Variants in INPP5A observed in about 807,000 individuals in gnomAD.
INPP5A encodes the protein inositol polyphosphate-5-phosphatase A.
INPP5A carries 14 observed loss-of-function variants against 65.2 expected under a neutral mutation model. The observed-to-expected ratio is 0.21, with a 90% CI of 0.14 to 0.34. INPP5A has a LOEUF of 0.34. Among genes scored for constraint, INPP5A ranks in the 10% least tolerant of loss-of-function variants. The pLI, the probability that INPP5A is intolerant of heterozygous loss-of-function variation, is 1.00. For missense variants in INPP5A, 431 were observed against 545.6 expected (o/e 0.79, Z 2.09); for synonymous variants, 207 against 208.3 (o/e 0.99, Z 0.05).
intron 4 of INPP5A, among the ~76,000 whole-genome samples, chr10:132,665,296 C>T (rs550378490): frequency 8.5e-5 from 13 of 152,354 alleles, no homozygotes; most frequent in African/African-American, 2.6e-4. Flanking sequence ...AGGAAAGCCC[C>T]CTCTTAGATT....
chr10:132,703,080 C>G (rs1454076704), intron 6 of INPP5A, among the ~76,000 whole-genome samples: 2 of 152,124 alleles, frequency 1.3e-5, no homozygotes, highest in African/African-American at 2.4e-5. Context: ...TCGGACTCAC[C>G]GTTTCTCCCA....
At position 132,676,930 on chromosome 10, in the gene INPP5A, C is replaced by T. The variant is rs2072972341; in HGVS notation, c.307-13462C>T. ...TCCACATGGTGACCCCCACCGTCACCCAGGCATCTGTCCTCAACTGCAGAC... is the reference window on the plus strand; with the variant it reads ...TCCACATGGTGACCCCCACCGTCACTCAGGCATCTGTCCTCAACTGCAGAC... On this transcript the variant is annotated intron_variant, in intron 4 of 15. Coordinates refer to ENST00000368594, the MANE Select transcript of INPP5A (RefSeq NM_005539.5). The surrounding 1 kb of genome is among the most constrained non-coding windows in gnomAD (Gnocchi z 4.0). Among the ~76,000 whole-genome samples, 1 of 152,176 alleles carries T rather than the reference C, an allele frequency of 6.6e-6. No homozygotes were observed. The highest frequency in any genetic ancestry group is 2.4e-5 in the African/African-American group (1 of 41,418).
At chr10:132,639,333 C>T (rs1407831210) in intron 2 of INPP5A, among the ~76,000 whole-genome samples, 1 of 148,598 alleles carries the variant, frequency 6.7e-6, no homozygotes, top group African/African-American at 2.5e-5. Context: ...TCCTTAAGCA[C>T]TTTAAAGGCC....
rs1329958684 is a variant in INPP5A, at chr10:132,762,406, G to A, written c.904-3367G>A. On this transcript the variant is annotated intron_variant, in intron 11 of 15. Transcript: ENST00000368594. This position sits in a 1 kb window ranked among gnomAD's most constrained non-coding sequence, Gnocchi z 4.6. Reference sequence around the variant, plus strand: ...GAATGCAAGTGGCGGCGGGTTTCCAGAACAACCACAAAAATACACACCAGG... The same window carrying A: ...GAATGCAAGTGGCGGCGGGTTTCCAAAACAACCACAAAAATACACACCAGG... 6.6e-6 allele frequency among the ~76,000 whole-genome samples: 1 copy of A among 152,210 alleles called. No individual in the cohort carries two copies. The highest frequency in any genetic ancestry group is 2.4e-5 in the African/African-American group (1 of 41,448).
At chr10:132,605,470 T>A (rs1246071599) in intron 1 of INPP5A, among the ~76,000 whole-genome samples, 1 of 8,244 alleles carries the variant, frequency 1.2e-4, no homozygotes, top group Non-Finnish European at 2.4e-4. Context: ...GTGGATCCCT[T>A]GGAGGGATGG....
intron 2 of INPP5A, among the ~76,000 whole-genome samples, chr10:132,626,209 T>A (rs1000672550): frequency 2.6e-5 from 4 of 152,224 alleles, no homozygotes; most frequent in African/African-American, 9.6e-5. Flanking sequence ...TGGTCCTGGA[T>A]CCTGCTGTGT....
At chr10:132,775,189 G>GGCAGGGAGGAGA (rs1847040763) in intron 12 of INPP5A, among the ~76,000 whole-genome samples, 1 of 466 alleles carries the variant, frequency 2.1e-3, no homozygotes, top group African/African-American at 9.8e-3. Flanking sequence ...AGGGAGAGAG[G>GGCAGGGAGGAGA]GAGGGGCAGG....
rs532541277 is a variant in INPP5A at position 132,675,042 on chromosome 10, C to T, written c.307-15350C>T. On this transcript the variant is annotated intron_variant, in intron 4 of 15. Coordinates refer to ENST00000368594, the MANE Select transcript of INPP5A (RefSeq NM_005539.5). This position sits in a 1 kb window ranked among gnomAD's most constrained non-coding sequence, Gnocchi z 4.2. ...GCCTGGACCTGTTGCAGAGCCTACT[C>T]CTCTTCTGGACCCCCTCAGTCCTCC... is the stretch of plus-strand genomic sequence containing the variant. Among the ~76,000 whole-genome samples the T allele has an allele frequency of 3.9e-5, 6 of 152,328 alleles. No homozygotes were observed. The South Asian group carries it at 8.3e-4, about 21-fold the overall frequency.
At chr10:132,619,367 G>C (rs1216520282) in intron 2 of INPP5A, among the ~76,000 whole-genome samples, 2 of 152,184 alleles carry the variant, frequency 1.3e-5, no homozygotes, top group African/African-American at 2.4e-5. Context: ...GGGCACACAG[G>C]CTCAAGGGGT....
At chr10:132,755,334 CTG>C (rs911811340) in intron 11 of INPP5A, among the ~76,000 whole-genome samples, 30 of 138,230 alleles carry the variant, frequency 2.2e-4, no homozygotes, top group Middle Eastern at 5.7e-3. Context: ...AGTGTGTGAG[CTG>C]TGTGAGCGTG....
Position 132,537,864 on chromosome 10 carries a change from A to C in INPP5A, c.-233A>C. The C allele has an allele frequency of 3.1e-6, 1 of 317,678 alleles. No homozygotes were observed. Among genetic ancestry groups the C allele is most frequent in the Non-Finnish European group, 5.7e-6 (1 of 175,536 alleles). The allele number at this position is 317,678 out of a possible 1,614,324, so 19.7% of individuals were successfully genotyped here. ...TAATGGCTGCGCGCGGGCCGCTGTG[A>C]GGCGCGGCGGCGAGCGACGGGCGCG... is the stretch of plus-strand genomic sequence containing the variant. On this transcript the variant is annotated 5_prime_UTR_variant, in exon 1 of 16. An upstream open reading frame in the 5' UTR loses its in-frame stop. Coordinates refer to ENST00000368594, the MANE Select transcript of INPP5A (RefSeq NM_005539.5).
chr10:132,605,778 G>A (rs930387102), intron 1 of INPP5A, among the ~76,000 whole-genome samples: 1 of 152,276 alleles, frequency 6.6e-6, no homozygotes, highest in African/African-American at 2.4e-5. Flanking sequence ...TGAGGGCCTT[G>A]TCTTTTTTTC....
intron 1 of INPP5A, among the ~76,000 whole-genome samples, chr10:132,593,908 AT>A (rs2071650375): frequency 6.6e-6 from 1 of 152,232 alleles, no homozygotes; most frequent in Non-Finnish European, 1.5e-5. Context: ...GCCAGGAACT[AT>A]AAAGATAATC....
chr10:132,774,618 T>G (rs913904316), intron 12 of INPP5A, among the ~76,000 whole-genome samples: 5 of 152,086 alleles, frequency 3.3e-5, no homozygotes, highest in African/African-American at 1.2e-4. Context: ...CCCCAAGACC[T>G]CGACATAGCC....
In INPP5A at chr10:132,708,363, C is replaced by T. The variant is rs368149106; in HGVS notation, c.525C>T (p.Asp175=). The T allele has an allele frequency of 1.6e-4, 254 of 1,613,672 alleles. No individual in the cohort carries two copies. The highest frequency in any genetic ancestry group is 2.0e-4 in the Non-Finnish European group (238 of 1,179,662). ...GFIRTRWCIA[D]CAFDLVNIHL... is the part of the protein sequence containing the mutation. ...TCCGGACGAGGTGGTGCATTGCAGA[C>T]TGGTACGTGGTGTCTGTGCTTTGTC... Residue 175 remains aspartate, a splice_region_variant and synonymous_variant, in exon 7 of 16, where the codon GAC becomes GAT. Transcript: ENST00000368594.
rs578083274 is a variant in INPP5A, at chr10:132,691,670, C to T, written c.370+1215C>T. ...CACACTTCACTCTAGCAAAACTTTC[C>T]CCAGAGCCCTCCATGTGGCCAAACT... On this transcript the variant is annotated intron_variant, in intron 5 of 15. Coordinates refer to ENST00000368594, the MANE Select transcript of INPP5A (RefSeq NM_005539.5). 7.9e-5 allele frequency among the ~76,000 whole-genome samples: 12 copies of T among 152,348 alleles called. No homozygotes were observed. In the East Asian group the frequency reaches 2.3e-3, roughly 29 times the overall value.
rs575291107 is a variant in INPP5A, at chr10:132,705,203, C to T, written c.475-3110C>T. Among the ~76,000 whole-genome samples, 3 of 152,318 alleles carry T rather than the reference C, an allele frequency of 2.0e-5. No homozygotes were observed. In the East Asian group the frequency reaches 5.8e-4, roughly 29 times the overall value. On this transcript the variant is annotated intron_variant, in intron 6 of 15. Coordinates refer to ENST00000368594, the MANE Select transcript of INPP5A (RefSeq NM_005539.5). The surrounding 1 kb of genome is among the most constrained non-coding windows in gnomAD (Gnocchi z 4.9). ...GTGTTTCCATTGCAGACACAGTTAC[C>T]GACAGGAAATGAACACAGAGGCTCC...
Position 132,697,858 on chromosome 10 carries a change from A to G in INPP5A, c.413A>G (p.Asp138Gly), listed in dbSNP as rs1049684899. ...RKVAGKEIYS[D>G]TLESTPMLEK... ...GTCGCTGGCAAAGAGATCTACTCGG[A>G]TACCTTAGAGAGCACGCCCATGCTG... Residue 138 changes from aspartate to glycine, a missense_variant, in exon 6 of 16, where the codon GAT becomes GGT. Asp to Gly is a moderately conservative substitution (Grantham distance 94). Transcript: ENST00000368594. The surrounding 1 kb of genome is among the most constrained non-coding windows in gnomAD (Gnocchi z 5.6). 1.9e-6 allele frequency: 3 copies of G among 1,614,046 alleles called. No homozygotes were observed. The highest frequency in any genetic ancestry group is 2.5e-6 in the Non-Finnish European group (3 of 1,179,918).
chr10:132,713,239 C>T (rs1348659901), intron 8 of INPP5A, among the ~76,000 whole-genome samples: 1 of 151,330 alleles, frequency 6.6e-6, no homozygotes, highest in East Asian at 1.9e-4. Flanking sequence ...TGTAGGTGTA[C>T]AGGTGTGGGT....
Sources: gnomAD v4.1 joint callset for allele counts (sites outside exome capture counted in the v4.1 genomes callset) on GRCh38, gnomAD v4.1.1 for gene constraint, Gnocchi (gnomAD v3.1) non-coding constraint, MANE v1.5 for transcripts, NCBI Gene and HGNC (gene_info 2026-07-23, HGNC 2026-07-21) for gene names.